MDM4: variants seen among roughly 807,000 people sequenced by gnomAD.
MDM4 encodes MDM4 regulator of p53, also known as protein Mdm4.
MDM4 carries 2 observed loss-of-function variants against 60.2 expected under a neutral mutation model. The ratio of observed to expected loss-of-function variants is 0.03; its 90% CI spans 0.01 to 0.10. The LOEUF (loss-of-function observed/expected upper bound fraction) is 0.10. Among genes scored for constraint, MDM4 ranks in the 10% least tolerant of loss-of-function variants. The pLI is 1.00. For missense variants in MDM4, 447 were observed against 577.5 expected (o/e 0.77, Z 2.32); for synonymous variants, 202 against 198.1 (o/e 1.02, Z -0.17).
At position 204,542,953 on chromosome 1, in the gene MDM4, C is replaced by G. The variant is rs1420516693; in HGVS notation, c.672+9C>G. The G allele has an allele frequency of 6.2e-7, 1 of 1,604,504 alleles. No homozygotes were observed. ...ATTTACAGACAAATCAGGTAAATTT[C>G]ACATTTGAAGGGAAGTGGTTTTTTT... is the stretch of plus-strand genomic sequence containing the variant. On this transcript the variant is annotated intron_variant, in intron 8 of 10. Transcript: ENST00000367182.
intron 1 of MDM4, among the ~76,000 whole-genome samples, chr1:204,520,080 A>G (rs1659411304): frequency 6.6e-6 from 1 of 152,138 alleles, no homozygotes; most frequent in South Asian, 2.1e-4. Flanking sequence ...GATCGAGACC[A>G]TCCTGGCTAA....
chr1:204,549,745 C>A lies in MDM4; in HGVS notation c.*63C>A, dbSNP rs940018030. 1 of 1,038,340 alleles carries A rather than the reference C, an allele frequency of 9.6e-7. No homozygotes were observed. The highest frequency in any genetic ancestry group is 1.6e-5 in the African/African-American group (1 of 62,030). 64.3% of individuals were successfully genotyped at this position (1,038,340 alleles called of 1,614,324 possible). On this transcript the variant is annotated 3_prime_UTR_variant, in exon 11 of 11. Coordinates refer to ENST00000367182, the MANE Select transcript of MDM4 (RefSeq NM_002393.5). ...CTTACCACATTATTTGAAAATCAAT[C>A]CTTTATTTAATTTTATTTCCAACCT...
intron 1 of MDM4, among the ~76,000 whole-genome samples, chr1:204,516,711 A>G (rs913142000): frequency 4.6e-5 from 7 of 152,108 alleles, no homozygotes; most frequent in African/African-American, 1.7e-4. Context: ...GCGGAAGATA[A>G]AAGTGGAGGT....
intron 1 of MDM4, among the ~76,000 whole-genome samples, chr1:204,521,864 T>A (rs963243026): frequency 2.6e-5 from 4 of 152,216 alleles, no homozygotes; most frequent in Non-Finnish European, 5.9e-5. Context: ...AATAAATAAT[T>A]AAAATATGTA....
rs56047802 is a variant in MDM4, at chr1:204,551,461, CTTTTTTTTTTTTTT to C, written c.*1795_*1808del. On this transcript the variant is annotated 3_prime_UTR_variant, in exon 11 of 11. Transcript: ENST00000367182. ...ATACTGGATGGTTGAGAGGCAGCCT[CTTTTTTTTTTTTTT>C]TTTTTTTTTTTTTTTGGAGGATAGG... is the stretch of plus-strand genomic sequence containing the variant. 15 of 91,514 alleles carry C rather than the reference CTTTTTTTTTTTTTT, an allele frequency of 1.6e-4. No individual in the cohort carries two copies. The highest frequency in any genetic ancestry group is 5.8e-4 in the South Asian group (1 of 1,728). The allele number at this position is 91,514 out of a possible 1,614,324, so 5.7% of individuals were successfully genotyped here. A position where few individuals can be genotyped will look rare whatever the true frequency, so the allele number is the denominator to read the frequency against.
chr1:204,544,569 A>G lies in MDM4; in HGVS notation c.707A>G (p.Asp236Gly). 6.2e-7 allele frequency: 1 copy of G among 1,613,392 alleles called. No homozygotes were observed. The highest frequency in any genetic ancestry group is 8.5e-7 in the Non-Finnish European group (1 of 1,179,544). The part of the protein sequence containing the change: ...VGTAIVSDTT[D>G]DLWFLNESVS... ...ACTGCCATTGTTTCAGATACTACAG[A>G]TGACTTGTGGTTTTTGAATGAGTCA... Residue 236 changes from aspartate (D) to glycine (G), a missense_variant, in exon 9 of 11, where the codon GAT becomes GGT. Physicochemically the swap from Asp to Gly is moderately conservative, Grantham distance 94. Around this residue, in one of 8 missense-constraint regions of MDM4, gnomAD observed 184 missense variants for 179.3 expected, o/e 1.03. Transcript: ENST00000367182.
chr1:204,532,955 A>G, intron 5 of MDM4: 1 of 946,106 alleles, frequency 1.1e-6, no homozygotes, highest in Non-Finnish European at 1.6e-6. Flanking sequence ...CTGTTTAATC[A>G]CATCAGAGTC....
intron 1 of MDM4, among the ~76,000 whole-genome samples, chr1:204,521,402 T>C (rs778397283): frequency 1.3e-5 from 2 of 152,148 alleles, no homozygotes; most frequent in African/African-American, 4.8e-5. Context: ...TGTTTTGTTT[T>C]CTTTCTTTTT....
In MDM4 at chr1:204,528,871, C is replaced by T. The variant is rs1249645835; in HGVS notation, c.154-1813C>T. The T allele has an allele frequency of 2.2e-5, 35 of 1,586,348 alleles. No individual in the cohort carries two copies. The East Asian group carries it at 4.5e-4, about 20-fold the overall frequency. ...CATAGCATCCGAGCTGTCATGGTGACGACGTCCTTGAAGCTGAGCCGAATG... is the reference window on the plus strand; with the variant it reads ...CATAGCATCCGAGCTGTCATGGTGATGACGTCCTTGAAGCTGAGCCGAATG... On this transcript the variant is annotated intron_variant, in intron 3 of 10. Coordinates refer to ENST00000367182, the MANE Select transcript of MDM4 (RefSeq NM_002393.5).
chr1:204,544,446 G>A (rs941210582), intron 8 of MDM4, 89 bp from the exon 9 acceptor site: 35 of 1,277,912 alleles, frequency 2.7e-5, no homozygotes, highest in Middle Eastern at 5.5e-4. Flanking sequence ...GTAGTGTGAC[G>A]ACATTGAGTT....
intron 4 of MDM4, among the ~76,000 whole-genome samples, chr1:204,531,537 A>T (rs1443793773): frequency 1.3e-5 from 2 of 152,210 alleles, no homozygotes; most frequent in East Asian, 3.9e-4. Flanking sequence ...TCTTACACTA[A>T]GACTTCCCTT....
intron 1 of MDM4, among the ~76,000 whole-genome samples, chr1:204,516,728 A>G (rs890766622): frequency 1.3e-5 from 2 of 152,166 alleles, no homozygotes; most frequent in Admixed American, 1.3e-4. Flanking sequence ...AGGTGGGGTG[A>G]CGTGAAGTAA....
intron 1 of MDM4, among the ~76,000 whole-genome samples, chr1:204,518,853 A>G (rs1165171121): frequency 6.6e-6 from 1 of 152,136 alleles, no homozygotes; most frequent in Non-Finnish European, 1.5e-5. Flanking sequence ...TTCAGTAGAG[A>G]GAGGTTTTCA....
Position 204,529,677 on chromosome 1 carries a change from C to T in MDM4, c.154-1007C>T. On this transcript the variant is annotated intron_variant, in intron 3 of 10. Coordinates refer to ENST00000367182, the MANE Select transcript of MDM4 (RefSeq NM_002393.5). ...CCTGCATCTCCAGGGCAGCCCCGCCCATACAGATAGCTGGCTGTGGCAATT... is the reference window on the plus strand; with the variant it reads ...CCTGCATCTCCAGGGCAGCCCCGCCTATACAGATAGCTGGCTGTGGCAATT... The T allele has an allele frequency of 5.0e-6, 3 of 602,108 alleles. No homozygotes were observed. The East Asian group carries it at 8.9e-5, about 18-fold the overall frequency. The allele number at this position is 602,108 out of a possible 1,614,324, so 37.3% of individuals were successfully genotyped here. A position where few individuals can be genotyped will look rare whatever the true frequency, so the allele number is the denominator to read the frequency against.
At chr1:204,522,699 C>G (rs919833590) in intron 1 of MDM4, among the ~76,000 whole-genome samples, 2 of 152,112 alleles carry the variant, frequency 1.3e-5, no homozygotes, top group African/African-American at 2.4e-5. Flanking sequence ...GCCACCATGC[C>G]TGGCCCACTT....
chr1:204,533,439 C>T (rs1661063796), intron 5 of MDM4, among the ~76,000 whole-genome samples: 1 of 152,170 alleles, frequency 6.6e-6, no homozygotes, highest in Non-Finnish European at 1.5e-5. Flanking sequence ...TCACTGCAGC[C>T]TGGACCTCTC....
chr1:204,529,578 A>G, intron 3 of MDM4: 1 of 1,403,424 alleles, frequency 7.1e-7, no homozygotes, highest in South Asian at 1.4e-5. Flanking sequence ...AGGGGGTAGC[A>G]CGCTGCCATA....
intron 1 of MDM4, among the ~76,000 whole-genome samples, chr1:204,517,165 T>A (rs12732503): frequency 6.6e-6 from 1 of 151,192 alleles, no homozygotes; most frequent in Admixed American, 6.6e-5. Context: ...ATCACTTGAA[T>A]CCGTGGGCGG....
At chr1:204,535,316 C>A (rs1661289754) in intron 5 of MDM4, among the ~76,000 whole-genome samples, 1 of 151,786 alleles carries the variant, frequency 6.6e-6, no homozygotes, top group Non-Finnish European at 1.5e-5. Context: ...CGCCATCATG[C>A]CTGGCTAATT....
Sources: allele counts gnomAD v4.1 joint callset (sites outside exome capture counted in the v4.1 genomes callset), GRCh38; gene constraint gnomAD v4.1.1; regional missense constraint gnomAD v4.1.1; transcripts MANE v1.5; gene names NCBI Gene and HGNC (gene_info 2026-07-23, HGNC 2026-07-21).